CNTN4: variants seen among roughly 807,000 people sequenced by gnomAD.
CNTN4 encodes contactin-4.
In CNTN4, 77 loss-of-function variants were observed where a neutral mutation model predicts 122.5. That is an observed-to-expected ratio of 0.63 (90% CI 0.52 to 0.76). The LOEUF (loss-of-function observed/expected upper bound fraction) is 0.76. Among genes scored for constraint, CNTN4 ranks in the 30% least tolerant of loss-of-function variants. The pLI is 0.00. For synonymous variants in CNTN4, 512 were observed against 447.0 expected, an observed-to-expected ratio of 1.15 and a Z score of -1.83; for missense variants, 1,256 against 1,259.1, an observed-to-expected ratio of 1.00 and a Z score of 0.04.
At chr3:2,272,318 T>C (rs576608642) in intron 2 of CNTN4, among the ~76,000 whole-genome samples, 3 of 152,258 alleles carry the variant, frequency 2.0e-5, no homozygotes, top group African/African-American at 7.2e-5. Context: ...ACTCCACATA[T>C]TTATTTATGA....
intron 13 of CNTN4, among the ~76,000 whole-genome samples, chr3:2,968,892 T>C (rs1414084968): frequency 6.6e-6 from 1 of 152,190 alleles, no homozygotes; most frequent in African/African-American, 2.4e-5. Flanking sequence ...AGTGACACTG[T>C]GTATTCATCA....
chr3:2,602,848 A>T (rs1179033416), intron 4 of CNTN4, among the ~76,000 whole-genome samples: 1 of 152,140 alleles, frequency 6.6e-6, no homozygotes, highest in Non-Finnish European at 1.5e-5. Context: ...TGCCCACTGA[A>T]TGTGCTTTCT....
chr3:3,042,614 T>A (rs998164630), intron 21 of CNTN4, among the ~76,000 whole-genome samples, 192 bp downstream of exon 21: 3 of 152,202 alleles, frequency 2.0e-5, no homozygotes, highest in East Asian at 3.8e-4. Flanking sequence ...TATGTTATAT[T>A]CTAGAGGTAT....
Position 2,321,360 on chromosome 3 carries a change from T to C in CNTN4, c.-144-17818T>C, listed in dbSNP as rs540087644. On this transcript the variant is annotated intron_variant, in intron 2 of 24. Coordinates refer to ENST00000418658, the MANE Select transcript of CNTN4 (RefSeq NM_175607.3). ...AAATTATTTTAAACTTTTAGTTTCC[T>C]TAGCTTTAAATGGAAATAATAAGGC... 3.3e-5 allele frequency among the ~76,000 whole-genome samples: 5 copies of C among 152,224 alleles called. No individual in the cohort carries two copies. In the South Asian group the frequency reaches 1.0e-3, roughly 32 times the overall value.
At chr3:2,492,887 A>C (rs1003996535) in intron 3 of CNTN4, among the ~76,000 whole-genome samples, 9 of 152,296 alleles carry the variant, frequency 5.9e-5, no homozygotes, top group Non-Finnish European at 1.0e-4. Flanking sequence ...GTTTTAATCT[A>C]TCAGGTTTTT....
At chr3:2,906,311 A>G (rs186882734) in intron 12 of CNTN4, among the ~76,000 whole-genome samples, 92 of 152,210 alleles carry the variant, frequency 6.0e-4, no homozygotes, top group African/African-American at 2.1e-3. Flanking sequence ...CGTACTCTCA[A>G]AAAATGCTGA....
intron 3 of CNTN4, among the ~76,000 whole-genome samples, chr3:2,506,975 G>A (rs1162056187): frequency 1.3e-5 from 2 of 152,016 alleles, no homozygotes; most frequent in African/African-American, 4.8e-5. Context: ...TGATAGACTT[G>A]GAATTATAGG....
At position 2,886,463 on chromosome 3, in the gene CNTN4, A is replaced by G. The variant is rs73112794; in HGVS notation, c.756-577A>G. The stretch of plus-strand genomic sequence containing the variant: ...ACATATGAGGAAACATATATAACAT[A>G]TAAAAATCTGTTTTTATTTCAATGA... On this transcript the variant is annotated intron_variant, in intron 9 of 24. Transcript: ENST00000418658. 1.5e-3 allele frequency among the ~76,000 whole-genome samples: 223 copies of G among 151,942 alleles called. 1 individual carries two copies. Among genetic ancestry groups the G allele is most frequent in the African/African-American group, 4.6e-3 (190 of 41,488 alleles).
At chr3:2,137,497 TG>T (rs2034752329) in intron 2 of CNTN4, among the ~76,000 whole-genome samples, 1 of 150,846 alleles carries the variant, frequency 6.6e-6, no homozygotes, top group Admixed American at 6.6e-5. Flanking sequence ...AATTTGGGGG[TG>T]GGGGGATTAG....
intron 2 of CNTN4, among the ~76,000 whole-genome samples, chr3:2,241,191 G>T (rs971823229): frequency 2.0e-5 from 3 of 152,040 alleles, no homozygotes; most frequent in Admixed American, 2.0e-4. Flanking sequence ...TATGTAAATA[G>T]AGCACTTAGG....
intron 6 of CNTN4, among the ~76,000 whole-genome samples, chr3:2,780,024 TA>T (rs1191622109): frequency 5.3e-5 from 8 of 152,188 alleles, no homozygotes; most frequent in Non-Finnish European, 7.4e-5. Flanking sequence ...GATAAAAGGA[TA>T]AAAGTAGTGG....
chr3:2,661,523 A>G (rs987775910), intron 4 of CNTN4, among the ~76,000 whole-genome samples: 3 of 152,124 alleles, frequency 2.0e-5, no homozygotes, highest in African/African-American at 7.2e-5. Flanking sequence ...TTAAAAAAAA[A>G]AAATCCTGGC....
intron 13 of CNTN4, among the ~76,000 whole-genome samples, chr3:2,945,280 C>T (rs58436887): frequency 0.026 from 3,900 of 152,260 alleles, 164 homozygotes; most frequent in African/African-American, 0.087. Context: ...TAGTCTTCAA[C>T]AGGATGCCCG....
chr3:2,724,504 T>A (rs1300322960), intron 4 of CNTN4, among the ~76,000 whole-genome samples: 1 of 152,238 alleles, frequency 6.6e-6, no homozygotes, highest in Non-Finnish European at 1.5e-5. Flanking sequence ...CAAGTTTTGC[T>A]TGAGTAGCTT....
At chr3:2,453,378 A>G (rs946755065) in intron 3 of CNTN4, among the ~76,000 whole-genome samples, 2 of 152,150 alleles carry the variant, frequency 1.3e-5, no homozygotes, top group African/African-American at 2.4e-5. Flanking sequence ...TCAAAAGACA[A>G]TCAAGAAGGA....
At chr3:2,864,941 T>C (rs144385857) in intron 7 of CNTN4, among the ~76,000 whole-genome samples, 1 of 152,082 alleles carries the variant, frequency 6.6e-6, no homozygotes, top group African/African-American at 2.4e-5. Context: ...TAGGTGCTGA[T>C]AGATTACTAG....
rs781619188 is a variant in CNTN4, at chr3:2,754,098, C to T, written c.358+8401C>T. Reference sequence around the variant, plus strand: ...ATGAAATATTTGTATAAGCTTCTTACTCCCATATCATTTCTCCCCTACATG... The same window carrying T: ...ATGAAATATTTGTATAAGCTTCTTATTCCCATATCATTTCTCCCCTACATG... On this transcript the variant is annotated intron_variant, in intron 6 of 24. Coordinates refer to ENST00000418658, the MANE Select transcript of CNTN4 (RefSeq NM_175607.3). 3.9e-5 allele frequency among the ~76,000 whole-genome samples: 6 copies of T among 152,290 alleles called. No homozygotes were observed. In the Middle Eastern group the frequency reaches 0.014, roughly 345 times the overall value.
At chr3:2,468,488 T>A (rs1057439718) in intron 3 of CNTN4, among the ~76,000 whole-genome samples, 1 of 152,194 alleles carries the variant, frequency 6.6e-6, no homozygotes, top group Non-Finnish European at 1.5e-5. Context: ...TCATATATTA[T>A]TACATTTCAG....
chr3:2,259,553 C>A (rs1238184876), intron 2 of CNTN4, among the ~76,000 whole-genome samples: 1 of 152,050 alleles, frequency 6.6e-6, no homozygotes, highest in Non-Finnish European at 1.5e-5. Context: ...TCTGGAGAGG[C>A]CTCATAATCA....
Sources: gnomAD v4.1 joint callset for allele counts (sites outside exome capture counted in the v4.1 genomes callset) on GRCh38, gnomAD v4.1.1 for gene constraint, MANE v1.5 for transcripts, NCBI Gene and HGNC (gene_info 2026-07-23, HGNC 2026-07-21) for gene names.